Variants in NBN observed in about 807,000 individuals in gnomAD.
NBN encodes nibrin.
NBN carries 88 observed loss-of-function variants against 90.8 expected under a neutral mutation model. That is an observed-to-expected ratio of 0.97 (90% CI 0.82 to 1.16). The LOEUF (loss-of-function observed/expected upper bound fraction) is 1.16. NBN is among the 50% of genes most tolerant of loss of function. NBN has a pLI of 0.00. For missense variants in NBN, 894 were observed against 869.6 expected, an observed-to-expected ratio of 1.03 and a Z score of -0.35; for synonymous variants, 328 against 295.1, an observed-to-expected ratio of 1.11 and a Z score of -1.14.
chr8:89,978,347 T>C (rs968335639), intron 4 of NBN, 24 bp from the exon 5 acceptor site: 1 of 1,570,506 alleles, frequency 6.4e-7, no homozygotes, highest in Non-Finnish European at 8.8e-7. Context: ...AACATGTGAA[T>C]ATATATATTC....
chr8:89,938,001 C>T (rs1351441276), intron 14 of NBN, among the ~76,000 whole-genome samples: 7 of 152,142 alleles, frequency 4.6e-5, no homozygotes, highest in Non-Finnish European at 8.8e-5. Context: ...TTATTTAGTG[C>T]CTACTATGTT....
At chr8:89,978,983 CTTT>C (rs960241474) in intron 4 of NBN, among the ~76,000 whole-genome samples, 1 of 152,014 alleles carries the variant, frequency 6.6e-6, no homozygotes, top group African/African-American at 2.4e-5. Flanking sequence ...TATAAATATG[CTTT>C]TTTATTTTTG....
At chr8:89,958,260 A>C (rs1249188666) in intron 9 of NBN, among the ~76,000 whole-genome samples, 1 of 152,192 alleles carries the variant, frequency 6.6e-6, no homozygotes, top group Non-Finnish European at 1.5e-5. Context: ...CCTGGTTCCT[A>C]ACAGGTGATG....
intron 9 of NBN, among the ~76,000 whole-genome samples, chr8:89,956,175 C>A (rs1810706029): frequency 6.8e-6 from 1 of 147,372 alleles, no homozygotes; most frequent in Non-Finnish European, 1.5e-5. Flanking sequence ...TTAGACACTG[C>A]CTTTGCTATT....
intron 9 of NBN, among the ~76,000 whole-genome samples, chr8:89,956,228 C>G (rs929950197): frequency 6.7e-6 from 1 of 149,902 alleles, no homozygotes; most frequent in Non-Finnish European, 1.5e-5. Context: ...AGAGGTCAGG[C>G]TGTCATTCAA....
Position 89,953,599 on chromosome 8 carries a change from G to A in NBN, c.1490C>T (p.Thr497Ile), listed in dbSNP as rs1563527011. ...CTCCTTATTTTTCCACAATGAGGGT[G>A]TAGCAGGTTGTGTTTGTTCTAAAAG... ...CSLLEQTQPA[T>I]PSLWKNKEQH... Residue 497 changes from threonine (T) to isoleucine (I), a missense_variant, in exon 11 of 16, where the codon ACA becomes ATA. By Grantham distance (89) the Thr-to-Ile change is moderately conservative (BLOSUM62 -1). Transcript: ENST00000265433. 3 of 1,613,398 alleles carry A rather than the reference G, an allele frequency of 1.9e-6. No homozygotes were observed. The highest frequency in any genetic ancestry group is 1.1e-5 in the South Asian group (1 of 91,058).
chr8:89,970,300 C>CA, intron 7 of NBN, 64 bp downstream of exon 7: 1 of 1,394,248 alleles, frequency 7.2e-7, no homozygotes, highest in Non-Finnish European at 1.0e-6. Flanking sequence ...TGAAAAGCAA[C>CA]AAAAAAGGTT....
intron 7 of NBN, 109 bp downstream of exon 7, chr8:89,970,255 A>C: frequency 9.9e-7 from 1 of 1,011,274 alleles, no homozygotes; most frequent in Non-Finnish European, 1.5e-6. Context: ...GTCTCAAAAA[A>C]AAAAAATTCT....
chr8:89,955,063 A>C (rs1190007831), intron 10 of NBN, among the ~76,000 whole-genome samples: 1 of 152,088 alleles, frequency 6.6e-6, no homozygotes. Context: ...CGGCAAGTAA[A>C]ATAACACGTA....
chr8:89,947,867 C>A lies in NBN; in HGVS notation c.1871G>T (p.Arg624Leu), dbSNP rs587782297. ...CCATAGTGAGTCTTCCTTGAGTTCACGTTTCTTCCCAATTTCATTTTCTTG... is the reference window on the plus strand; with the variant it reads ...CCATAGTGAGTCTTCCTTGAGTTCAAGTTTCTTCCCAATTTCATTTTCTTG... ...ISQENEIGKKRELKEDSLWSA... is the reference protein window; with the variant it reads ...ISQENEIGKKLELKEDSLWSA... The change falls in exon 12 of 16, where the codon CGT becomes CTT. Residue 624 changes from arginine (R) to leucine (L), a missense_variant. Physicochemically the swap from Arg to Leu is moderately radical, Grantham distance 102. Transcript: ENST00000265433. 6.3e-7 allele frequency: 1 copy of A among 1,575,790 alleles called. No homozygotes were observed.
intron 14 of NBN, chr8:89,937,361 C>A (rs1809740657): frequency 9.6e-6 from 4 of 415,408 alleles, no homozygotes; most frequent in South Asian, 2.3e-5. Flanking sequence ...ACACTCTTTC[C>A]AGCAAAACCC....
At position 89,946,361 on chromosome 8, in the gene NBN, T is replaced by C. The variant is rs540259280; in HGVS notation, c.1915-66A>G. ...ATAACAAAGAAAAGTCACTTGTCAT[T>C]TGGGAATCTATAGAAAAAAGTTCAA... On this transcript the variant is annotated intron_variant, in intron 12 of 15. Transcript: ENST00000265433. The C allele has an allele frequency of 2.3e-5, 33 of 1,418,326 alleles. No individual in the cohort carries two copies. In the African/African-American group the frequency reaches 4.5e-4, roughly 19 times the overall value. The allele number at this position is 1,418,326 out of a possible 1,614,324, so 87.9% of individuals were successfully genotyped here.
At chr8:89,962,866 A>G (rs780190127) in intron 8 of NBN, among the ~76,000 whole-genome samples, 28 of 152,186 alleles carry the variant, frequency 1.8e-4, no homozygotes, top group Non-Finnish European at 3.5e-4. Context: ...TCATCCCTAC[A>G]CCACCATTTC....
intron 11 of NBN, among the ~76,000 whole-genome samples, chr8:89,950,651 A>G (rs913837868): frequency 1.3e-5 from 2 of 152,244 alleles, no homozygotes; most frequent in African/African-American, 4.8e-5. Context: ...AAAATAAAGG[A>G]AAAATGGAAT....
intron 11 of NBN, among the ~76,000 whole-genome samples, chr8:89,949,963 G>C (rs1332347780): frequency 3.3e-5 from 5 of 152,124 alleles, no homozygotes; most frequent in African/African-American, 9.7e-5. Flanking sequence ...CCCACATTGA[G>C]TAAGGTTGAT....
At position 89,953,437 on chromosome 8, in the gene NBN, C is replaced by T. The variant is rs1586053587; in HGVS notation, c.1652G>A (p.Arg551Lys). 1 of 1,613,636 alleles carries T rather than the reference C, an allele frequency of 6.2e-7. No homozygotes were observed. The highest frequency in any genetic ancestry group is 1.7e-5 in the Admixed American group (1 of 59,978). ...AAEKLRSNKK[R>K]EMDDVAIEDE... ...TTCTATGGCCACATCATCCATTTCC[C>T]TTTTTTTATTTGATCTTAGCTTTTC... The change falls in exon 11 of 16, where the codon AGG becomes AAG. Residue 551 changes from arginine to lysine, a missense_variant. Arg to Lys is a conservative substitution (Grantham distance 26). Transcript: ENST00000265433.
intron 5 of NBN, 35 bp downstream of exon 5, chr8:89,978,185 G>A (rs755623495): frequency 4.0e-5 from 61 of 1,536,834 alleles, no homozygotes; most frequent in Non-Finnish European, 5.2e-5. Flanking sequence ...TATCATATAA[G>A]TGACATCTTG....
rs772005832 is a variant in NBN, at chr8:89,971,292, T to C, written c.585-2A>G. 1 of 1,608,910 alleles carries C rather than the reference T, an allele frequency of 6.2e-7. No homozygotes were observed. The highest frequency in any genetic ancestry group is 8.5e-7 in the Non-Finnish European group (1 of 1,176,658). ...GGTTCATCAAGAGGTGGGTAAAAAC[T>C]GTAAAAATAATTAAAGTATATTCTA... is the stretch of plus-strand genomic sequence containing the variant. On this transcript the variant is annotated splice_acceptor_variant, in intron 5 of 15. Coordinates refer to ENST00000265433, the MANE Select transcript of NBN (RefSeq NM_002485.5). LOFTEE classifies it high-confidence loss of function.
At position 89,946,003 on chromosome 8, in the gene NBN, G is replaced by A. The variant is rs558692404; in HGVS notation, c.2070+137C>T. The A allele has an allele frequency of 2.3e-4, 152 of 651,174 alleles. 4 individuals carry two copies. In the South Asian group the frequency reaches 2.6e-3, roughly 11 times the overall value. 40.3% of individuals were successfully genotyped at this position (651,174 alleles called of 1,614,324 possible). A position where few individuals can be genotyped will look rare whatever the true frequency, so the allele number is the denominator to read the frequency against. The stretch of plus-strand genomic sequence containing the variant: ...TAACTGTAAGTTCATATCCTTCCTA[G>A]AGGAATTTTTTAAAGCATTTTAAGC... On this transcript the variant is annotated intron_variant, in intron 13 of 15. Transcript: ENST00000265433.
Sources: gnomAD v4.1 joint callset for allele counts (sites outside exome capture counted in the v4.1 genomes callset) on GRCh38, gnomAD v4.1.1 for gene constraint, MANE v1.5 for transcripts, NCBI Gene and HGNC (gene_info 2026-07-23, HGNC 2026-07-21) for gene names.